PRELID2: variants seen among roughly 807,000 people sequenced by gnomAD.
The protein encoded by PRELID2 is PRELI domain-containing protein 2.
PRELID2 carries 25 observed loss-of-function variants against 28.4 expected under a neutral mutation model. The observed-to-expected ratio is 0.88, with a 90% confidence interval of 0.64 to 1.23. PRELID2 has a LOEUF of 1.23. Ranked by LOEUF, PRELID2 falls within the 50% of genes most tolerant of loss-of-function variation. The pLI, the probability that PRELID2 is intolerant of heterozygous loss-of-function variation, is 0.00. For missense variants in PRELID2, 201 were observed against 214.4 expected (o/e 0.94, Z 0.39); for synonymous variants, 76 against 71.6 (o/e 1.06, Z -0.31).
intron 1 of PRELID2, among the ~76,000 whole-genome samples, chr5:145,677,049 T>G (rs1754831563): frequency 6.6e-6 from 1 of 152,078 alleles, no homozygotes; most frequent in Non-Finnish European, 1.5e-5. Context: ...TGAGAAAATT[T>G]TAACACGGTG....
At chr5:145,623,319 G>A (rs1158091057) in intron 1 of PRELID2, among the ~76,000 whole-genome samples, 5 of 151,680 alleles carry the variant, frequency 3.3e-5, no homozygotes, top group South Asian at 2.1e-4. Flanking sequence ...GTGGTGGCGC[G>A]CACCTGTAAT....
the PRELID2 span, among the ~76,000 whole-genome samples, chr5:145,447,137 A>C: frequency 6.6e-6 from 1 of 151,812 alleles, no homozygotes; most frequent in Non-Finnish European, 1.5e-5. Flanking sequence ...TATAGTCCTG[A>C]CACAGTTAAT....
the PRELID2 span, among the ~76,000 whole-genome samples, chr5:145,435,391 G>A: frequency 1.3e-5 from 2 of 152,130 alleles, no homozygotes; most frequent in Non-Finnish European, 2.9e-5. Context: ...CCACAAGCCA[G>A]AGCAAGTTTG....
chr5:145,341,069 C>T, the PRELID2 span, among the ~76,000 whole-genome samples: 20 of 151,660 alleles, frequency 1.3e-4, no homozygotes, highest in Non-Finnish European at 2.4e-4. Context: ...AAGCACCCTA[C>T]CTAACCAGCA....
chr5:145,640,156 A>G (rs1581019789), intron 1 of PRELID2, among the ~76,000 whole-genome samples: 1 of 152,190 alleles, frequency 6.6e-6, no homozygotes, highest in East Asian at 1.9e-4. Flanking sequence ...ATTCACTTGG[A>G]AAGGTGAAAC....
chr5:145,296,244 GGTTA>G, the PRELID2 span, among the ~76,000 whole-genome samples: 1 of 151,514 alleles, frequency 6.6e-6, no homozygotes. Flanking sequence ...ACAATGTGCA[GGTTA>G]GTTACATATG....
intron 1 of PRELID2, among the ~76,000 whole-genome samples, chr5:145,554,724 A>C (rs1752865592): frequency 6.6e-6 from 1 of 152,230 alleles, no homozygotes; most frequent in Non-Finnish European, 1.5e-5. Flanking sequence ...CCAGGCAGTT[A>C]CAGACAGCAT....
intron 1 of PRELID2, among the ~76,000 whole-genome samples, chr5:145,499,613 C>T (rs1012613609): frequency 1.1e-4 from 16 of 152,136 alleles, no homozygotes; most frequent in Non-Finnish European, 1.2e-4. Flanking sequence ...TTAGCATTTC[C>T]TTTCTGTGTC....
At chr5:145,294,110 A>G in the PRELID2 span, among the ~76,000 whole-genome samples, 1 of 152,136 alleles carries the variant, frequency 6.6e-6, no homozygotes, top group Non-Finnish European at 1.5e-5. Context: ...TTTTTGAAAA[A>G]TTATGCACAT....
the PRELID2 span, among the ~76,000 whole-genome samples, chr5:145,376,128 C>A: frequency 6.6e-6 from 1 of 152,088 alleles, no homozygotes; most frequent in African/African-American, 2.4e-5. Flanking sequence ...TTATCAGAAG[C>A]CTTTTCTGCA....
At chr5:145,289,058 T>A in the PRELID2 span, among the ~76,000 whole-genome samples, 1 of 152,128 alleles carries the variant, frequency 6.6e-6, no homozygotes, top group Non-Finnish European at 1.5e-5. Flanking sequence ...CTTCCTTCCA[T>A]AAAGTTTCAT....
intron 1 of PRELID2, among the ~76,000 whole-genome samples, chr5:145,699,870 G>A (rs974155509): frequency 8.5e-5 from 13 of 152,164 alleles, no homozygotes; most frequent in East Asian, 7.7e-4. Flanking sequence ...AGACCCTGGT[G>A]TTTGGTGTTT....
the PRELID2 span, among the ~76,000 whole-genome samples, chr5:145,442,843 G>A: frequency 1.3e-5 from 2 of 151,954 alleles, no homozygotes; most frequent in Non-Finnish European, 2.9e-5. Flanking sequence ...AACAAAAGCT[G>A]GTTACAAGCA....
In PRELID2 at chr5:145,818,338, G is replaced by A. The variant is rs112632412; in HGVS notation, c.208-284C>T. On this transcript the variant is annotated intron_variant, in intron 3 of 6. Transcript: ENST00000683046. Reference sequence around the variant, plus strand: ...TAAGCAAATTATCAGCCTCCTTCGCGTCTCCTCTAAGGCTGGTTATGGCCT... The same window carrying A: ...TAAGCAAATTATCAGCCTCCTTCGCATCTCCTCTAAGGCTGGTTATGGCCT... Among the ~76,000 whole-genome samples the A allele has an allele frequency of 1.8e-4, 27 of 152,222 alleles. 1 individual carries two copies. The highest frequency in any genetic ancestry group is 6.2e-4 in the South Asian group (3 of 4,830).
At chr5:145,467,067 C>A (rs540048026), downstream of PRELID2, among the ~76,000 whole-genome samples, 1 of 152,252 alleles carries the variant, frequency 6.6e-6, no homozygotes, top group African/African-American at 2.4e-5. Flanking sequence ...CGAGCATCTC[C>A]CAGGAGTATC....
chr5:145,518,177 A>G (rs113240559), intron 1 of PRELID2, among the ~76,000 whole-genome samples: 6,857 of 137,414 alleles, frequency 0.05, 149 homozygotes, highest in Middle Eastern at 0.071. Context: ...TAATAATAAT[A>G]ATGATGTCAT....
chr5:145,288,838 C>T, the PRELID2 span, among the ~76,000 whole-genome samples: 2 of 152,082 alleles, frequency 1.3e-5, no homozygotes, highest in African/African-American at 4.8e-5. Context: ...ACTTCTTACT[C>T]TAACAATGAG....
At chr5:145,831,419 T>G (rs1265614646) in intron 1 of PRELID2, among the ~76,000 whole-genome samples, 2 of 152,192 alleles carry the variant, frequency 1.3e-5, no homozygotes, top group Non-Finnish European at 2.9e-5. Flanking sequence ...AAAAGATGCC[T>G]TTTCTAATTT....
At chr5:145,690,688 T>C (rs77380694) in intron 1 of PRELID2, among the ~76,000 whole-genome samples, 10,536 of 152,224 alleles carry the variant, frequency 0.069, 559 homozygotes, top group Admixed American at 0.18. Context: ...CATTTCCTTT[T>C]TTATTTAAGC....
Sources: allele counts gnomAD v4.1 joint callset (sites outside exome capture counted in the v4.1 genomes callset), GRCh38; gene constraint gnomAD v4.1.1; transcripts MANE v1.5; gene names NCBI Gene and HGNC (gene_info 2026-07-23, HGNC 2026-07-21).